The following PRPSAP2 variants were observed in gnomAD, a reference collection of about 807,000 sequenced individuals.
PRPSAP2 encodes phosphoribosyl pyrophosphate synthase-associated protein 2.
A neutral mutation model predicts 40.6 loss-of-function variants in PRPSAP2; 24 were observed. The observed-to-expected ratio is 0.59, with a 90% CI of 0.43 to 0.83. The LOEUF is 0.83. Ranked by LOEUF, PRPSAP2 falls within the 40% of genes least tolerant of loss-of-function variation. The pLI, the probability that PRPSAP2 is intolerant of heterozygous loss-of-function variation, is 0.00. For synonymous variants in PRPSAP2, 149 were observed against 164.7 expected, an observed-to-expected ratio of 0.90 and a Z score of 0.73; for missense variants, 292 against 465.6, an observed-to-expected ratio of 0.63 and a Z score of 3.43.
intron 8 of PRPSAP2, among the ~76,000 whole-genome samples, chr17:18,901,561 G>A (rs932244903): frequency 7.2e-5 from 11 of 151,930 alleles, no homozygotes; most frequent in Non-Finnish European, 1.3e-4. Context: ...TGTATTTTTA[G>A]TGGAGACAGT....
At chr17:18,897,991 CTT>C (rs71155370) in intron 8 of PRPSAP2, among the ~76,000 whole-genome samples, 3 of 116,330 alleles carry the variant, frequency 2.6e-5, no homozygotes. Flanking sequence ...AGAATTTTTG[CTT>C]TTTTTTTTTT....
chr17:18,910,212 G>C (rs2151951901), intron 8 of PRPSAP2, among the ~76,000 whole-genome samples: 1 of 152,244 alleles, frequency 6.6e-6, no homozygotes, highest in Non-Finnish European at 1.5e-5. Context: ...TTCAGGTCAG[G>C]AGTTCGAGAC....
At chr17:18,908,935 G>A (rs1418404208) in intron 8 of PRPSAP2, 3 of 379,774 alleles carry the variant, frequency 7.9e-6, no homozygotes, top group East Asian at 6.7e-5. Context: ...CCTCCTTTTC[G>A]GTTTGTTTTT....
intron 8 of PRPSAP2, among the ~76,000 whole-genome samples, chr17:18,896,228 C>T (rs1404770291): frequency 6.6e-6 from 1 of 152,132 alleles, no homozygotes; most frequent in Non-Finnish European, 1.5e-5. Flanking sequence ...TAGTGGCCAC[C>T]CTGTGCCAAT....
chr17:18,865,167 G>A (rs183698245), intron 1 of PRPSAP2, among the ~76,000 whole-genome samples: 2 of 152,236 alleles, frequency 1.3e-5, no homozygotes, highest in Admixed American at 1.3e-4. Context: ...TTATAAGCCA[G>A]GGACCTTTTT....
At chr17:18,899,530 T>TTTG (rs2151938004) in intron 8 of PRPSAP2, among the ~76,000 whole-genome samples, 1 of 139,568 alleles carries the variant, frequency 7.2e-6, no homozygotes. Flanking sequence ...TTTTTTTTTT[T>TTTG]TTTTTTTTTT....
chr17:18,928,718 G>A (rs1402690455), intron 10 of PRPSAP2, 93 bp from the exon 11 acceptor site: 24 of 1,544,048 alleles, frequency 1.6e-5, no homozygotes, highest in Non-Finnish European at 2.1e-5. Context: ...ATTTTTCACG[G>A]TAAATGTAGG....
intron 10 of PRPSAP2, among the ~76,000 whole-genome samples, chr17:18,925,514 G>A (rs1366260077): frequency 6.6e-6 from 1 of 152,216 alleles, no homozygotes; most frequent in Non-Finnish European, 1.5e-5. Flanking sequence ...TGTAGTGGCA[G>A]GAAGTTGTAC....
intron 11 of PRPSAP2, 142 bp downstream of exon 11, chr17:18,929,099 G>A (rs2042122398): frequency 3.1e-6 from 4 of 1,275,870 alleles, no homozygotes; most frequent in Non-Finnish European, 4.3e-6. Context: ...GTTCACGCCT[G>A]TAATCCCAGC....
chr17:18,889,864 G>C lies in PRPSAP2; in HGVS notation c.571G>C (p.Ala191Pro). Residue 191 changes from alanine (A) to proline (P), a missense_variant, in exon 8 of 12, where the codon GCC becomes CCC. By Grantham distance (27) the Ala-to-Pro change is conservative. Around this residue, in one of 2 missense-constraint regions of PRPSAP2, gnomAD observed 241 missense variants for 425.7 expected, o/e 0.57. Transcript: ENST00000268835. Reference protein sequence around the residue: ...RNAVIVAKSPASAKRAQSFAE... With the variant: ...RNAVIVAKSPPSAKRAQSFAE... The stretch of plus-strand genomic sequence containing the variant: ...TGCAGTAATCGTGGCCAAGTCTCCA[G>C]CCTCGGCGAAGAGGTAGGTGGGAAT... The C allele has an allele frequency of 1.9e-6, 3 of 1,610,968 alleles. No homozygotes were observed. Among genetic ancestry groups the C allele is most frequent in the Non-Finnish European group, 2.5e-6 (3 of 1,178,490 alleles).
chr17:18,916,793 C>T (rs1032213170), intron 9 of PRPSAP2, among the ~76,000 whole-genome samples: 2 of 152,162 alleles, frequency 1.3e-5, no homozygotes, highest in African/African-American at 4.8e-5. Context: ...CACTCTGCTC[C>T]TGAGGTGGCA....
At chr17:18,889,037 A>G (rs1445695080) in intron 7 of PRPSAP2, among the ~76,000 whole-genome samples, 3 of 152,234 alleles carry the variant, frequency 2.0e-5, no homozygotes, top group Non-Finnish European at 4.4e-5. Context: ...ATACATGAAA[A>G]AGTTTAGAAA....
At chr17:18,863,362 A>C (rs1405376905) in intron 1 of PRPSAP2, among the ~76,000 whole-genome samples, 1 of 151,974 alleles carries the variant, frequency 6.6e-6, no homozygotes, top group Non-Finnish European at 1.5e-5. Context: ...AGGTGCTGGG[A>C]TTAGCGGTGT....
At chr17:18,862,810 T>C (rs996865019) in intron 1 of PRPSAP2, among the ~76,000 whole-genome samples, 5 of 151,294 alleles carry the variant, frequency 3.3e-5, no homozygotes, top group East Asian at 1.9e-4. Context: ...TTTATTTATT[T>C]ATTTATTTAT....
At position 18,892,727 on chromosome 17, in the gene PRPSAP2, G is replaced by GTGTGTGTGTGTTTGTT. The variant is rs60288281; in HGVS notation, c.584+2851_584+2852insGTGTGTGTGTTTGTTT. Among the ~76,000 whole-genome samples, 132 of 126,698 alleles carry GTGTGTGTGTGTTTGTT rather than the reference G, an allele frequency of 1.0e-3. 3 individuals are homozygous for GTGTGTGTGTGTTTGTT. Among genetic ancestry groups the GTGTGTGTGTGTTTGTT allele is most frequent in the Non-Finnish European group, 1.9e-3 (113 of 60,140 alleles). 83.1% of individuals were successfully genotyped at this position (126,698 alleles called of 152,430 possible). A position where few individuals can be genotyped will look rare whatever the true frequency, so the allele number is the denominator to read the frequency against. On this transcript the variant is annotated intron_variant, in intron 8 of 11. Coordinates refer to ENST00000268835, the MANE Select transcript of PRPSAP2 (RefSeq NM_002767.4). ...TGTGTGTGTGTGTGTGTGTGTGTGT[G>GTGTGTGTGTGTTTGTT]TATTTATTTATTTATTTATTTTTTT...
At chr17:18,871,932 T>C (rs2037913400) in intron 4 of PRPSAP2, among the ~76,000 whole-genome samples, 2 of 152,074 alleles carry the variant, frequency 1.3e-5, no homozygotes, top group Admixed American at 1.3e-4. Context: ...AGTGCTGGGA[T>C]TACAGGCATG....
chr17:18,919,079 A>G lies in PRPSAP2; in HGVS notation c.734-4835A>G, dbSNP rs150579077. Among the ~76,000 whole-genome samples, 14 of 152,280 alleles carry G rather than the reference A, an allele frequency of 9.2e-5. 1 individual carries two copies. The East Asian group carries it at 2.7e-3, about 29-fold the overall frequency. The stretch of plus-strand genomic sequence containing the variant: ...TGAGAAATGTTAAAAAGACGATGGG[A>G]GGGAGGCCAGGTACTTTGGCGCACT... On this transcript the variant is annotated intron_variant, in intron 9 of 11. Coordinates refer to ENST00000268835, the MANE Select transcript of PRPSAP2 (RefSeq NM_002767.4).
At chr17:18,873,224 A>C (rs1597554206) in intron 5 of PRPSAP2, among the ~76,000 whole-genome samples, 8 of 100,816 alleles carry the variant, frequency 7.9e-5, no homozygotes, top group Non-Finnish European at 1.2e-4. Flanking sequence ...ACAGAATTTC[A>C]CTCTTGTTGC....
At chr17:18,922,929 T>C (rs1318101912) in intron 9 of PRPSAP2, among the ~76,000 whole-genome samples, 1 of 151,668 alleles carries the variant, frequency 6.6e-6, no homozygotes, top group Non-Finnish European at 1.5e-5. Context: ...TCTGTCCACC[T>C]CGGCCTCCCA....
Sources: gnomAD v4.1 joint callset for allele counts (sites outside exome capture counted in the v4.1 genomes callset) on GRCh38, gnomAD v4.1.1 for gene constraint, gnomAD v4.1.1 regional missense constraint, MANE v1.5 for transcripts, NCBI Gene and HGNC (gene_info 2026-07-23, HGNC 2026-07-21) for gene names.